Variants in QTMAN observed in about 807,000 individuals in gnomAD.
QTMAN encodes tRNA-queuosine alpha-mannosyltransferase.
At chr2:143,978,815 T>C in the QTMAN span, among the ~76,000 whole-genome samples, 4 of 152,232 alleles carry the variant, frequency 2.6e-5, no homozygotes, top group Non-Finnish European at 5.9e-5. Context: ...ATGTGGTAAT[T>C]GGGGCTGTAA....
the QTMAN span, among the ~76,000 whole-genome samples, chr2:143,998,945 G>A: frequency 3.3e-5 from 5 of 151,952 alleles, no homozygotes; most frequent in Non-Finnish European, 5.9e-5. Flanking sequence ...TTCTTCCCAC[G>A]AAGAGAGACA....
chr2:144,105,235 A>G, the QTMAN span, among the ~76,000 whole-genome samples: 1 of 152,260 alleles, frequency 6.6e-6, no homozygotes, highest in South Asian at 2.1e-4. Context: ...CTCGCCAGCA[A>G]CAGAGCAAAG....
the QTMAN span, among the ~76,000 whole-genome samples, chr2:144,144,264 T>C: frequency 0.011 from 1,688 of 152,018 alleles, 33 homozygotes; most frequent in African/African-American, 0.038. Flanking sequence ...ATCCAGTCTA[T>C]GCTAAATTAA....
the QTMAN span, among the ~76,000 whole-genome samples, chr2:143,953,421 A>T: frequency 4.5e-4 from 68 of 151,890 alleles, no homozygotes; most frequent in African/African-American, 1.6e-3. Context: ...ACTCTCATGA[A>T]GATTACTTTA....
At chr2:144,192,652 A>C in the QTMAN span, among the ~76,000 whole-genome samples, 3 of 152,240 alleles carry the variant, frequency 2.0e-5, no homozygotes, top group African/African-American at 7.2e-5. Flanking sequence ...TAATTTACAT[A>C]AGATCTCTTT....
chr2:144,332,211 G>A, the QTMAN span, among the ~76,000 whole-genome samples: 7 of 151,852 alleles, frequency 4.6e-5, no homozygotes, highest in Admixed American at 2.0e-4. Flanking sequence ...CGGTGCGGAC[G>A]GCGGCGCAGG....
chr2:143,999,398 A>C, the QTMAN span, among the ~76,000 whole-genome samples: 1 of 151,850 alleles, frequency 6.6e-6, no homozygotes, highest in African/African-American at 2.4e-5. Context: ...ACCACACATT[A>C]AGAGAAACAG....
the QTMAN span, among the ~76,000 whole-genome samples, chr2:144,200,074 T>G: frequency 2.2e-3 from 330 of 152,346 alleles, 3 homozygotes; most frequent in Non-Finnish European, 2.6e-3. Context: ...GATTCATTTT[T>G]GTGGGGCAGA....
chr2:144,163,561 A>T, the QTMAN span, among the ~76,000 whole-genome samples: 1 of 152,224 alleles, frequency 6.6e-6, no homozygotes, highest in African/African-American at 2.4e-5. Context: ...ATTTGTAAAT[A>T]CATAAGGAAT....
At chr2:144,121,127 C>T in the QTMAN span, among the ~76,000 whole-genome samples, 77 of 152,190 alleles carry the variant, frequency 5.1e-4, 1 homozygote, top group South Asian at 0.016. Flanking sequence ...GAAGAAGAGA[C>T]TCAGAGCCAT....
the QTMAN span, among the ~76,000 whole-genome samples, chr2:144,036,188 A>G: frequency 6.6e-6 from 1 of 152,206 alleles, no homozygotes; most frequent in African/African-American, 2.4e-5. Context: ...ACCAAAGACC[A>G]TTATTGTAAT....
At chr2:144,145,310 C>T in the QTMAN span, among the ~76,000 whole-genome samples, 1 of 151,712 alleles carries the variant, frequency 6.6e-6, no homozygotes, top group African/African-American at 2.4e-5. Flanking sequence ...TCCCTGCCAA[C>T]CTTTTAATTC....
the QTMAN span, among the ~76,000 whole-genome samples, chr2:144,186,459 G>GT: frequency 6.6e-6 from 1 of 152,158 alleles, no homozygotes; most frequent in Non-Finnish European, 1.5e-5. Context: ...AAACTAATGG[G>GT]TTTTTTAAAA....
the QTMAN span, among the ~76,000 whole-genome samples, chr2:144,113,819 C>T: frequency 1.3e-5 from 2 of 152,214 alleles, no homozygotes; most frequent in Non-Finnish European, 2.9e-5. Flanking sequence ...CCTCTGTCTG[C>T]ACTTCATTCA....
the QTMAN span, among the ~76,000 whole-genome samples, chr2:144,247,121 G>C: frequency 3.3e-5 from 5 of 152,138 alleles, no homozygotes; most frequent in Admixed American, 6.5e-5. Flanking sequence ...TCCAAGAAAA[G>C]GCAAAGGAAG....
At chr2:144,176,074 G>A in the QTMAN span, among the ~76,000 whole-genome samples, 1 of 152,070 alleles carries the variant, frequency 6.6e-6, no homozygotes. Flanking sequence ...TACACAACAA[G>A]ATAATCTCAC....
chr2:144,270,304 G>A, the QTMAN span, among the ~76,000 whole-genome samples: 1 of 151,968 alleles, frequency 6.6e-6, no homozygotes, highest in African/African-American at 2.4e-5. Context: ...CCCATTACTG[G>A]GTATATACCC....
At chr2:143,947,792 G>T in the QTMAN span, among the ~76,000 whole-genome samples, 5 of 147,172 alleles carry the variant, frequency 3.4e-5, no homozygotes, top group African/African-American at 1.2e-4. Context: ...GATGCTAAAA[G>T]GTTTTTTCCT....
At chr2:144,174,484 A>G in the QTMAN span, among the ~76,000 whole-genome samples, 50 of 152,166 alleles carry the variant, frequency 3.3e-4, no homozygotes, top group African/African-American at 1.2e-3. Context: ...ATGTAAATTC[A>G]GTTCCTGTTA....
Sources: gnomAD v4.1 joint callset for allele counts (sites outside exome capture counted in the v4.1 genomes callset) on GRCh38, gnomAD v4.1.1 for gene constraint, MANE v1.5 for transcripts, NCBI Gene and HGNC (gene_info 2026-07-23, HGNC 2026-07-21) for gene names.